The following EHBP1 variants were observed in gnomAD, a reference collection of about 807,000 sequenced individuals.
EHBP1 encodes the protein EH domain binding protein 1, also known as EH domain-binding protein 1.
A neutral mutation model predicts 144.0 loss-of-function variants in EHBP1; 55 were observed. The observed-to-expected ratio is 0.38, with a 90% CI of 0.31 to 0.48. The LOEUF is 0.48. Ranked by LOEUF, EHBP1 falls within the 20% of genes least tolerant of loss-of-function variation. EHBP1 has a pLI of 0.98. For missense variants in EHBP1, 1,200 were observed against 1,364.2 expected, an observed-to-expected ratio of 0.88 and a Z score of 1.90; for synonymous variants, 469 against 472.7, an observed-to-expected ratio of 0.99 and a Z score of 0.10.
At chr2:62,699,214 G>C (rs1479784496) in intron 1 of EHBP1, among the ~76,000 whole-genome samples, 1 of 152,214 alleles carries the variant, frequency 6.6e-6, no homozygotes, top group African/African-American at 2.4e-5. Context: ...GCTGGATGCT[G>C]TATCTGGTTA....
rs542507216 is a variant in EHBP1, at chr2:62,709,768, A to G, written c.104+2473A>G. On this transcript the variant is annotated intron_variant, in intron 2 of 22. Transcript: ENST00000431489. ...GGGTACTTAATACTTAGTACCCCCA[A>G]TACTTCTTGTATTGTCTAGTGGTTC... 7.9e-5 allele frequency among the ~76,000 whole-genome samples: 12 copies of G among 152,142 alleles called. No homozygotes were observed. The East Asian group carries it at 2.1e-3, about 27-fold the overall frequency.
chr2:62,748,843 A>G (rs1257801222), intron 3 of EHBP1, among the ~76,000 whole-genome samples: 2 of 152,070 alleles, frequency 1.3e-5, no homozygotes, highest in Non-Finnish European at 2.9e-5. Context: ...CCTCTTTTCA[A>G]GTCTTTTATT....
At chr2:62,850,511 C>A (rs2048616612) in intron 7 of EHBP1, among the ~76,000 whole-genome samples, 1 of 152,072 alleles carries the variant, frequency 6.6e-6, no homozygotes, top group African/African-American at 2.4e-5. Context: ...TTTAGTTTCT[C>A]TTCTTATTCT....
At chr2:62,795,522 A>G (rs1356446769) in intron 5 of EHBP1, among the ~76,000 whole-genome samples, 1 of 152,048 alleles carries the variant, frequency 6.6e-6, no homozygotes, top group Non-Finnish European at 1.5e-5. Context: ...TTAAGGCATC[A>G]GTACAGTATA....
intron 10 of EHBP1, among the ~76,000 whole-genome samples, chr2:62,926,754 A>G (rs548274189): frequency 4.6e-5 from 7 of 152,258 alleles, no homozygotes; most frequent in South Asian, 2.1e-4. Flanking sequence ...AATGCAAGCC[A>G]CTATAGCCGC....
At chr2:62,827,566 C>G (rs1423460075) in intron 6 of EHBP1, among the ~76,000 whole-genome samples, 2 of 152,320 alleles carry the variant, frequency 1.3e-5, no homozygotes, top group Middle Eastern at 6.8e-3. Context: ...ACATCCTAAA[C>G]TGCCTCTCTA....
At chr2:62,916,390 A>G (rs1476588133) in intron 10 of EHBP1, among the ~76,000 whole-genome samples, 1 of 151,784 alleles carries the variant, frequency 6.6e-6, no homozygotes. Flanking sequence ...CCAGGAGTTC[A>G]AGACCAGCCT....
At chr2:62,683,592 G>A (rs1558506366) in intron 1 of EHBP1, among the ~76,000 whole-genome samples, 3 of 146,018 alleles carry the variant, frequency 2.1e-5, no homozygotes, top group Non-Finnish European at 3.0e-5. Context: ...CCGGGAGACG[G>A]AGGTTGCAGT....
chr2:62,923,561 A>G lies in EHBP1; in HGVS notation c.1186-19157A>G, dbSNP rs2055256874. On this transcript the variant is annotated intron_variant, in intron 10 of 22. Transcript: ENST00000431489. Reference sequence around the variant, plus strand: ...GGCAGAAACACTCCCAGGTCATCCAAGCAGCTTTGCACCCATGCCCCAGGA... The same window carrying G: ...GGCAGAAACACTCCCAGGTCATCCAGGCAGCTTTGCACCCATGCCCCAGGA... Among the ~76,000 whole-genome samples the G allele has an allele frequency of 2.0e-5, 3 of 152,184 alleles. No homozygotes were observed. The South Asian group carries it at 6.2e-4, about 31-fold the overall frequency.
chr2:62,823,285 C>T (rs2046115388), intron 5 of EHBP1, among the ~76,000 whole-genome samples: 1 of 152,050 alleles, frequency 6.6e-6, no homozygotes, highest in Non-Finnish European at 1.5e-5. Context: ...AACATAGGCC[C>T]AGAGACAGTT....
upstream of EHBP1, among the ~76,000 whole-genome samples, chr2:62,704,513 T>C (rs1052374847): frequency 3.9e-5 from 6 of 152,226 alleles, no homozygotes; most frequent in Admixed American, 2.6e-4. Flanking sequence ...CTTCGTAAGA[T>C]TGAATGATCC....
At chr2:62,862,651 A>G (rs2049672549) in intron 8 of EHBP1, among the ~76,000 whole-genome samples, 1 of 152,182 alleles carries the variant, frequency 6.6e-6, no homozygotes, top group Non-Finnish European at 1.5e-5. Flanking sequence ...AATGTCAGTC[A>G]TAAAATTTTT....
intron 9 of EHBP1, among the ~76,000 whole-genome samples, chr2:62,870,754 T>A (rs1193398744): frequency 6.7e-6 from 1 of 149,256 alleles, no homozygotes; most frequent in African/African-American, 2.4e-5. Context: ...TATATATGTA[T>A]TTAAAATATA....
chr2:62,958,096 T>A (rs1193102639), intron 14 of EHBP1, among the ~76,000 whole-genome samples: 1 of 152,122 alleles, frequency 6.6e-6, no homozygotes, highest in Non-Finnish European at 1.5e-5. Context: ...CTGGAGCAAC[T>A]AGAACTCTCA....
chr2:62,861,692 A>G (rs2049562687), intron 8 of EHBP1, among the ~76,000 whole-genome samples: 1 of 151,702 alleles, frequency 6.6e-6, no homozygotes. Context: ...CAGTGAGCCA[A>G]GATCGTGCCA....
chr2:62,893,324 C>T (rs939999600), intron 10 of EHBP1, among the ~76,000 whole-genome samples: 1 of 152,054 alleles, frequency 6.6e-6, no homozygotes, highest in African/African-American at 2.4e-5. Context: ...CATGCGCGAT[C>T]GTTCTCATAA....
At chr2:63,009,337 C>T (rs1286850356) in intron 19 of EHBP1, among the ~76,000 whole-genome samples, 1 of 151,556 alleles carries the variant, frequency 6.6e-6, no homozygotes, top group East Asian at 1.9e-4. Flanking sequence ...CCTGTATGAA[C>T]ATTTGAATGT....
At chr2:62,863,281 TCA>T (rs143162421) in intron 8 of EHBP1, among the ~76,000 whole-genome samples, 11 of 145,260 alleles carry the variant, frequency 7.6e-5, no homozygotes, top group East Asian at 2.0e-4. Flanking sequence ...TGAGACTCCG[TCA>T]CACACACACA....
chr2:62,948,136 C>A, intron 12 of EHBP1, 124 bp from the exon 13 acceptor site: 1 of 772,646 alleles, frequency 1.3e-6, no homozygotes, highest in Non-Finnish European at 1.8e-6. Flanking sequence ...GAAATTTGTT[C>A]TTTTCATGTG....
Sources: gnomAD v4.1 joint callset for allele counts (sites outside exome capture counted in the v4.1 genomes callset) on GRCh38, gnomAD v4.1.1 for gene constraint, MANE v1.5 for transcripts, NCBI Gene and HGNC (gene_info 2026-07-23, HGNC 2026-07-21) for gene names.